The following COA8 variants were observed in gnomAD, a reference collection of about 807,000 sequenced individuals.
COA8 encodes UPF0671 protein C14orf153.
COA8 carries 20 observed loss-of-function variants against 22.0 expected under a neutral mutation model. The observed-to-expected ratio is 0.91, with a 90% CI of 0.64 to 1.32. The LOEUF is 1.32. COA8 is among the 40% of genes most tolerant of loss of function. The pLI, the probability that COA8 is intolerant of heterozygous loss-of-function variation, is 0.00. For synonymous variants in COA8, 105 were observed against 79.9 expected (o/e 1.31, Z -1.68); for missense variants, 266 against 230.0 (o/e 1.16, Z -1.01).
chr14:103,584,869 G>A, intron 3 of COA8, among the ~76,000 whole-genome samples: 1 of 152,202 alleles, frequency 6.6e-6, no homozygotes, highest in Non-Finnish European at 1.5e-5. Flanking sequence ...GCCAGGTGCA[G>A]TGGCTCACTC....
Position 103,581,767 on chromosome 14 carries a change from A to G in COA8, c.386-5507A>G. The G allele has an allele frequency of 5.1e-6, 2 of 395,484 alleles. No homozygotes were observed. The highest frequency in any genetic ancestry group is 8.9e-6 in the Non-Finnish European group (2 of 224,538). The allele number at this position is 395,484 out of a possible 1,614,324, so 24.5% of individuals were successfully genotyped here. On this transcript the variant is annotated intron_variant, in intron 3 of 4. Coordinates refer to ENST00000409074, the MANE Select transcript of COA8 (RefSeq NM_001370595.2). This position sits in a 1 kb window ranked among gnomAD's most constrained non-coding sequence, Gnocchi z 4.1. Reference sequence around the variant, plus strand: ...GGGCTGTAGAGTTAAACTGTTCTTCATTCCGGTGGCACTAGACCTGCCCGG... The same window carrying G: ...GGGCTGTAGAGTTAAACTGTTCTTCGTTCCGGTGGCACTAGACCTGCCCGG...
At chr14:103,571,942 A>G in intron 2 of COA8, 122 bp downstream of exon 2, 1 of 782,466 alleles carries the variant, frequency 1.3e-6, no homozygotes, top group Non-Finnish European at 2.0e-6. Flanking sequence ...CCTGGCTAAC[A>G]CGGTGAAACC....
chr14:103,584,708 G>C (rs780910889), intron 3 of COA8, among the ~76,000 whole-genome samples: 4 of 152,104 alleles, frequency 2.6e-5, no homozygotes, highest in South Asian at 4.1e-4. Context: ...TTTAATAATA[G>C]CTATCCTAGC....
rs71126040 is a variant in COA8, at chr14:103,586,200, C to CTTTTT, written c.386-1056_386-1052dup. ...ATAGGCGTGAGCCACTGCACCTGGC[C>CTTTTT]TTTTTTTTTTTTTTTTTTTTTTAAC... On this transcript the variant is annotated intron_variant, in intron 3 of 4. Transcript: ENST00000409074. Among the ~76,000 whole-genome samples the CTTTTT allele has an allele frequency of 1.9e-4, 18 of 92,690 alleles. 4 individuals are homozygous for CTTTTT. Among genetic ancestry groups the CTTTTT allele is most frequent in the Admixed American group, 4.1e-4 (3 of 7,234 alleles). 60.8% of individuals were successfully genotyped at this position (92,690 alleles called of 152,430 possible). A position where few individuals can be genotyped will look rare whatever the true frequency, so the allele number is the denominator to read the frequency against.
In COA8 at chr14:103,581,990, A is replaced by G. The variant is rs757912852; in HGVS notation, c.386-5284A>G. 6.6e-6 allele frequency among the ~76,000 whole-genome samples: 1 copy of G among 152,184 alleles called. No homozygotes were observed. Among genetic ancestry groups the G allele is most frequent in the Non-Finnish European group, 1.5e-5 (1 of 68,026 alleles). ...CTCCCCCTTGGGCCGGAGCATCAGC[A>G]TTAGCTGTGCCACAGGGTGGTATGC... On this transcript the variant is annotated intron_variant, in intron 3 of 4. Coordinates refer to ENST00000409074, the MANE Select transcript of COA8 (RefSeq NM_001370595.2). This position sits in a 1 kb window ranked among gnomAD's most constrained non-coding sequence, Gnocchi z 4.1.
At position 103,563,050 on chromosome 14, in the gene COA8, C is replaced by A. The variant is rs774155240; in HGVS notation, c.49C>A (p.Arg17Ser). 6.5e-7 allele frequency: 1 copy of A among 1,540,564 alleles called. No individual in the cohort carries two copies. Among genetic ancestry groups the A allele is most frequent in the Non-Finnish European group, 8.7e-7 (1 of 1,148,604 alleles). ...GKKTFLPPLC[R>S]AFACRGCQLA... ...GAAGACCTTTCTCCCCCCTCTCTGC[C>A]GCGCCTTCGCCTGCCGCGGCTGTCA... The change falls in exon 1 of 5, where the codon CGC becomes AGC. Residue 17 changes from arginine (R) to serine (S), a missense_variant. Arg to Ser is a moderately radical substitution (Grantham distance 110, BLOSUM62 -1). Coordinates refer to ENST00000409074, the MANE Select transcript of COA8 (RefSeq NM_001370595.2).
At chr14:103,570,937 C>T (rs2076179384) in intron 1 of COA8, among the ~76,000 whole-genome samples, 2 of 152,162 alleles carry the variant, frequency 1.3e-5, no homozygotes, top group Non-Finnish European at 2.9e-5. Flanking sequence ...CTCCTGCATG[C>T]CGAGTGGCTT....
Position 103,571,686 on chromosome 14 carries a change from T to C in COA8, c.187T>C (p.Ser63Pro), listed in dbSNP as rs761161164. The stretch of plus-strand genomic sequence containing the variant: ...TTGGATAGGACCCCCAGATAAATAT[T>C]CAAACCTTCGACCTGTTCACTTTTA... ...HDWIGPPDKY[S>P]NLRPVHFYIP... The change falls in exon 2 of 5, where the codon TCA becomes CCA. Residue 63 changes from serine (S) to proline (P), a missense_variant. By Grantham distance (74) the Ser-to-Pro change is moderately conservative. Coordinates refer to ENST00000409074, the MANE Select transcript of COA8 (RefSeq NM_001370595.2). 1.9e-6 allele frequency: 3 copies of C among 1,614,088 alleles called. No homozygotes were observed. The African/African-American group carries it at 4.0e-5, about 22-fold the overall frequency.
At chr14:103,582,018 T>A (rs2142298085) in intron 3 of COA8, among the ~76,000 whole-genome samples, 1 of 152,272 alleles carries the variant, frequency 6.6e-6, no homozygotes, top group African/African-American at 2.4e-5. Context: ...TGGTATGCGC[T>A]CTGCTGAAGG....
chr14:103,582,046 G>T (rs1490946006), intron 3 of COA8, among the ~76,000 whole-genome samples: 1 of 152,210 alleles, frequency 6.6e-6, no homozygotes, highest in East Asian at 1.9e-4. Flanking sequence ...TTCAGGGAAA[G>T]GCAGTCTGCC....
At position 103,571,612 on chromosome 14, in the gene COA8, CT is replaced by C. The variant is rs1555412887; in HGVS notation, c.124-8del. 3 of 1,606,410 alleles carry C rather than the reference CT, an allele frequency of 1.9e-6. No homozygotes were observed. The highest frequency in any genetic ancestry group is 2.6e-6 in the Non-Finnish European group (3 of 1,175,042). Reference sequence around the variant, plus strand: ...TTTTGTCATATGTTAATCCAATTTACTTTGTTAAAGGTCTCAAGATTCTGCC... The same window carrying C: ...TTTTGTCATATGTTAATCCAATTTACTTGTTAAAGGTCTCAAGATTCTGCC... On this transcript the variant is annotated splice_polypyrimidine_tract_variant and intron_variant, in intron 1 of 4. Transcript: ENST00000409074.
At chr14:103,575,874 T>TA (rs1489547374) in intron 3 of COA8, among the ~76,000 whole-genome samples, 1 of 152,056 alleles carries the variant, frequency 6.6e-6, no homozygotes, top group Admixed American at 6.5e-5. Flanking sequence ...GCCTAATTTT[T>TA]GTGTTTTTTG....
At chr14:103,574,713 A>G in intron 3 of COA8, 1 of 298,158 alleles carries the variant, frequency 3.4e-6, no homozygotes, top group Non-Finnish European at 6.5e-6. Context: ...ATAAAGGGCC[A>G]GGAGCTTGAG....
chr14:103,581,744 G>C lies in COA8; in HGVS notation c.386-5530G>C. 2 of 397,240 alleles carry C rather than the reference G, an allele frequency of 5.0e-6. No homozygotes were observed. Among genetic ancestry groups the C allele is most frequent in the Non-Finnish European group, 8.9e-6 (2 of 225,482 alleles). The allele number at this position is 397,240 out of a possible 1,614,324, so 24.6% of individuals were successfully genotyped here. A position where few individuals can be genotyped will look rare whatever the true frequency, so the allele number is the denominator to read the frequency against. On this transcript the variant is annotated intron_variant, in intron 3 of 4. Coordinates refer to ENST00000409074, the MANE Select transcript of COA8 (RefSeq NM_001370595.2). This position sits in a 1 kb window ranked among gnomAD's most constrained non-coding sequence, Gnocchi z 4.1. ...ACTGAAGGGAAAAGCAGAGCAGGGG[G>C]CTGTAGAGTTAAACTGTTCTTCATT...
At chr14:103,564,193 T>C (rs2076116620) in intron 1 of COA8, among the ~76,000 whole-genome samples, 2 of 152,152 alleles carry the variant, frequency 1.3e-5, no homozygotes, top group South Asian at 4.1e-4. Context: ...TGTACTTGCT[T>C]GTACATTTTC....
intron 2 of COA8, among the ~76,000 whole-genome samples, chr14:103,572,890 C>G (rs1364882524): frequency 6.6e-6 from 1 of 151,564 alleles, no homozygotes; most frequent in African/African-American, 2.4e-5. Context: ...TCAGGTGATT[C>G]TCTTGCCTCA....
At chr14:103,570,592 G>T (rs1049801609) in intron 1 of COA8, among the ~76,000 whole-genome samples, 4 of 152,138 alleles carry the variant, frequency 2.6e-5, no homozygotes, top group African/African-American at 9.7e-5. Context: ...AATTAGCCGG[G>T]CGTGGTGGCA....
intron 1 of COA8, among the ~76,000 whole-genome samples, chr14:103,566,928 C>G (rs4906336): frequency 0.24 from 37,251 of 152,072 alleles, 5,055 homozygotes; most frequent in East Asian, 0.35. Flanking sequence ...CTTTTTTGGA[C>G]ATAGGGTCTT....
chr14:103,569,718 A>G (rs1407042985), intron 1 of COA8, among the ~76,000 whole-genome samples: 1 of 152,246 alleles, frequency 6.6e-6, no homozygotes, highest in African/African-American at 2.4e-5. Context: ...GACTCACCTT[A>G]GTTTCTACCA....
Sources: gnomAD v4.1 joint callset for allele counts (sites outside exome capture counted in the v4.1 genomes callset) on GRCh38, gnomAD v4.1.1 for gene constraint, Gnocchi (gnomAD v3.1) non-coding constraint, MANE v1.5 for transcripts, NCBI Gene and HGNC (gene_info 2026-07-23, HGNC 2026-07-21) for gene names.